HDAC9: variants seen among roughly 807,000 people sequenced by gnomAD.
The protein encoded by HDAC9 is histone deacetylase 9.
A neutral mutation model predicts 139.4 loss-of-function variants in HDAC9; 41 were observed. The observed-to-expected ratio is 0.29, with a 90% CI of 0.23 to 0.38. HDAC9 has a LOEUF of 0.38. Among genes scored for constraint, HDAC9 ranks in the 10% least tolerant of loss-of-function variants. The pLI is 1.00. For missense variants in HDAC9, 1,147 were observed against 1,297.0 expected, an observed-to-expected ratio of 0.88 and a Z score of 1.78; for synonymous variants, 517 against 476.2, an observed-to-expected ratio of 1.09 and a Z score of -1.12.
intron 2 of HDAC9, among the ~76,000 whole-genome samples, chr7:18,536,370 A>G (rs1352043263): frequency 1.3e-5 from 2 of 152,182 alleles, no homozygotes; most frequent in Non-Finnish European, 2.9e-5. Context: ...TAAACCACAA[A>G]TTTGAACTAA....
At chr7:18,554,300 G>GTGTACACCAACT (rs1818066829) in intron 2 of HDAC9, among the ~76,000 whole-genome samples, 1 of 145,152 alleles carries the variant, frequency 6.9e-6, no homozygotes, top group Non-Finnish European at 1.5e-5. Flanking sequence ...AGTTGCCTCT[G>GTGTACACCAACT]TGTACACCAA....
intron 21 of HDAC9, among the ~76,000 whole-genome samples, chr7:18,866,085 C>T (rs1798475477): frequency 6.8e-6 from 1 of 147,760 alleles, no homozygotes. Context: ...CTCACAGTGG[C>T]CTACGAGATG....
At chr7:18,232,500 C>A (rs1263163039) in intron 2 of HDAC9, among the ~76,000 whole-genome samples, 2 of 152,212 alleles carry the variant, frequency 1.3e-5, no homozygotes, top group South Asian at 4.1e-4. Flanking sequence ...TCACTTCCTC[C>A]CTGGTGTTTC....
intron 2 of HDAC9, among the ~76,000 whole-genome samples, chr7:18,214,028 G>T (rs1792126251): frequency 6.6e-6 from 1 of 151,882 alleles, no homozygotes; most frequent in South Asian, 2.1e-4. Flanking sequence ...CATTATAATA[G>T]TAGCTACAGG....
intron 12 of HDAC9, among the ~76,000 whole-genome samples, chr7:18,678,568 G>C (rs542342885): frequency 6.6e-6 from 1 of 151,674 alleles, no homozygotes; most frequent in Admixed American, 6.6e-5. Flanking sequence ...CTTCCTAGTG[G>C]ATGAACTTCT....
At chr7:18,527,116 T>G (rs1025927105) in intron 2 of HDAC9, among the ~76,000 whole-genome samples, 6 of 152,148 alleles carry the variant, frequency 3.9e-5, no homozygotes, top group Non-Finnish European at 8.8e-5. Context: ...CATTTCCACA[T>G]GATCCTCAGG....
intron 13 of HDAC9, among the ~76,000 whole-genome samples, chr7:18,747,166 G>T (rs1301312853): frequency 6.6e-6 from 1 of 152,150 alleles, no homozygotes; most frequent in East Asian, 1.9e-4. Flanking sequence ...TATATGAATT[G>T]AAGCTGGAAA....
chr7:18,763,550 A>C (rs1163925042), intron 15 of HDAC9, among the ~76,000 whole-genome samples: 2 of 152,118 alleles, frequency 1.3e-5, no homozygotes, highest in African/African-American at 4.8e-5. Context: ...ATATATGCTC[A>C]TTTTTTCCTT....
intron 6 of HDAC9, among the ~76,000 whole-genome samples, chr7:18,599,775 T>A (rs929354661): frequency 3.9e-5 from 6 of 152,196 alleles, no homozygotes; most frequent in African/African-American, 1.4e-4. Context: ...TGTGTGGACA[T>A]GTTTTCAGCT....
intron 1 of HDAC9, among the ~76,000 whole-genome samples, chr7:18,347,357 CCCCATTATGACT>C (rs1782495482): frequency 6.6e-6 from 1 of 152,150 alleles, no homozygotes; most frequent in South Asian, 2.1e-4. Context: ...ACTATGGGAA[CCCCATTATGACT>C]CCCTGGGGAG....
chr7:18,350,342 A>G (rs915976217), intron 1 of HDAC9, among the ~76,000 whole-genome samples: 1 of 152,298 alleles, frequency 6.6e-6, no homozygotes. Flanking sequence ...CTAATTGTGT[A>G]CCAGGTTTAC....
intron 1 of HDAC9, among the ~76,000 whole-genome samples, chr7:18,310,809 T>TACACACAC (rs71847714): frequency 6.4e-4 from 91 of 143,226 alleles, no homozygotes; most frequent in African/African-American, 1.4e-3. Flanking sequence ...ACAAATCCAT[T>TACACACAC]ACACACACAC....
intron 1 of HDAC9, among the ~76,000 whole-genome samples, chr7:18,438,154 CTG>C (rs1585901157): frequency 1.3e-5 from 2 of 151,324 alleles, no homozygotes; most frequent in East Asian, 3.9e-4. Context: ...ACAAATCAAA[CTG>C]AATATAAACA....
At position 18,975,972 on chromosome 7, in the gene HDAC9, G is replaced by T. The variant is rs373624852; in HGVS notation, c.3170+19G>T. 25 of 1,610,204 alleles carry T rather than the reference G, an allele frequency of 1.6e-5. No individual in the cohort carries two copies. The highest frequency in any genetic ancestry group is 2.0e-5 in the Non-Finnish European group (23 of 1,178,390). ...ACAGCAGGTATGAATCCAACGTGCG[G>T]GAATAATCCGGGTCAGTCATATCCA... On this transcript the variant is annotated intron_variant, in intron 25 of 25. Transcript: ENST00000686413.
chr7:18,817,031 G>T (rs1269482488), intron 17 of HDAC9, among the ~76,000 whole-genome samples: 1 of 131,054 alleles, frequency 7.6e-6, no homozygotes, highest in African/African-American at 3.5e-5. Flanking sequence ...TAGGTGAGAA[G>T]TTTTTTGTTT....
intron 12 of HDAC9, chr7:18,668,208 A>G (rs1795366468): frequency 2.2e-6 from 2 of 896,614 alleles, no homozygotes; most frequent in Non-Finnish European, 2.7e-6. Flanking sequence ...AGAAAGTTTA[A>G]AAGTTTTCCA....
chr7:18,510,145 A>G (rs1801035644), intron 2 of HDAC9, among the ~76,000 whole-genome samples: 1 of 152,158 alleles, frequency 6.6e-6, no homozygotes, highest in African/African-American at 2.4e-5. Flanking sequence ...AAAATTATTC[A>G]TTATAGAATG....
intron 22 of HDAC9, among the ~76,000 whole-genome samples, chr7:18,877,369 G>T (rs1267762287): frequency 6.6e-6 from 1 of 152,128 alleles, no homozygotes; most frequent in African/African-American, 2.4e-5. Context: ...TCACTGTCTT[G>T]TTCAGGAAGT....
At chr7:18,761,566 G>T (rs1789393182) in intron 14 of HDAC9, among the ~76,000 whole-genome samples, 1 of 152,150 alleles carries the variant, frequency 6.6e-6, no homozygotes, top group Non-Finnish European at 1.5e-5. Context: ...ATATTGATCT[G>T]AATTTCTGTA....
Sources: allele counts gnomAD v4.1 joint callset (sites outside exome capture counted in the v4.1 genomes callset), GRCh38; gene constraint gnomAD v4.1.1; transcripts MANE v1.5; gene names NCBI Gene and HGNC (gene_info 2026-07-23, HGNC 2026-07-21).